Variants in SKAP1 observed in about 807,000 individuals in gnomAD.
SKAP1 encodes src kinase-associated phosphoprotein 1.
In SKAP1, 44 loss-of-function variants were observed where a neutral mutation model predicts 58.5. That is an observed-to-expected ratio of 0.75 (90% CI 0.59 to 0.97). The LOEUF (loss-of-function observed/expected upper bound fraction) is 0.97, where lower values mean the gene tolerates loss of function less well. Among genes scored for constraint, SKAP1 ranks in the 50% least tolerant of loss-of-function variants. The pLI, the probability that SKAP1 is intolerant of heterozygous loss-of-function variation, is 0.00. For missense variants in SKAP1, 390 were observed against 435.2 expected (o/e 0.90, Z 0.92); for synonymous variants, 127 against 149.7 (o/e 0.85, Z 1.11).
chr17:48,367,561 C>CATAT lies in SKAP1; in HGVS notation c.153-3751_153-3748dup, dbSNP rs143641420. Among the ~76,000 whole-genome samples the CATAT allele has an allele frequency of 9.8e-3, 1,393 of 142,158 alleles. 12 individuals are homozygous for CATAT. Among genetic ancestry groups the CATAT allele is most frequent in the Middle Eastern group, 0.02 (5 of 252 alleles). 93.3% of individuals were successfully genotyped at this position (142,158 alleles called of 152,430 possible). A position where few individuals can be genotyped will look rare whatever the true frequency, so the allele number is the denominator to read the frequency against. On this transcript the variant is annotated intron_variant, in intron 2 of 12. Coordinates refer to ENST00000336915, the MANE Select transcript of SKAP1 (RefSeq NM_003726.4). ...GTATATATATATATGGATATATATC[C>CATAT]ATATATATATATATATAATCATACT...
intron 1 of SKAP1, among the ~76,000 whole-genome samples, chr17:48,427,306 C>CTATA (rs1392680847): frequency 6.6e-6 from 1 of 152,136 alleles, no homozygotes; most frequent in African/African-American, 2.4e-5. Flanking sequence ...CTTTCCAAGC[C>CTATA]TATATATAGA....
rs776705662 is a variant in SKAP1, at chr17:48,142,981, CT to C, written c.979-5645del. Among the ~76,000 whole-genome samples the C allele has an allele frequency of 9.2e-3, 1,218 of 132,962 alleles. 12 individuals carry two copies. The highest frequency in any genetic ancestry group is 0.026 in the African/African-American group (941 of 35,948). The allele number at this position is 132,962 out of a possible 152,430, so 87.2% of individuals were successfully genotyped here. A position where few individuals can be genotyped will look rare whatever the true frequency, so the allele number is the denominator to read the frequency against. Reference sequence around the variant, plus strand: ...CATGCCTGGCTAGTTAAAAAAAAAACTTTTTTTTTTTTTTTTGTAGAGATGG... The same window carrying C: ...CATGCCTGGCTAGTTAAAAAAAAAACTTTTTTTTTTTTTTTGTAGAGATGG... On this transcript the variant is annotated intron_variant, in intron 11 of 12. Coordinates refer to ENST00000336915, the MANE Select transcript of SKAP1 (RefSeq NM_003726.4).
intron 4 of SKAP1, among the ~76,000 whole-genome samples, chr17:48,253,889 C>T (rs564372462): frequency 1.4e-4 from 22 of 152,244 alleles, no homozygotes; most frequent in African/African-American, 5.1e-4. Flanking sequence ...TAACTGCTTT[C>T]TTATGAGGAA....
intron 2 of SKAP1, among the ~76,000 whole-genome samples, chr17:48,378,894 G>C (rs1419018926): frequency 1.3e-5 from 2 of 152,170 alleles, no homozygotes; most frequent in Non-Finnish European, 2.9e-5. Flanking sequence ...CAGTATAAGA[G>C]AGCATTTCAG....
At chr17:48,349,506 C>T (rs1236746887) in intron 3 of SKAP1, among the ~76,000 whole-genome samples, 1 of 152,202 alleles carries the variant, frequency 6.6e-6, no homozygotes, top group Non-Finnish European at 1.5e-5. Flanking sequence ...CTCCATTAAT[C>T]ACATCCACTA....
At chr17:48,370,984 T>C (rs2067076983) in intron 2 of SKAP1, among the ~76,000 whole-genome samples, 1 of 152,178 alleles carries the variant, frequency 6.6e-6, no homozygotes, top group African/African-American at 2.4e-5. Context: ...TTCAACAAGA[T>C]GGATGCAGCT....
intron 11 of SKAP1, among the ~76,000 whole-genome samples, chr17:48,155,710 A>G (rs1297911868): frequency 6.6e-6 from 1 of 152,104 alleles, no homozygotes; most frequent in Non-Finnish European, 1.5e-5. Context: ...TACAAAAATT[A>G]GCTGGGTGCC....
chr17:48,309,104 A>G (rs909639370), intron 4 of SKAP1, among the ~76,000 whole-genome samples: 6 of 152,214 alleles, frequency 3.9e-5, no homozygotes, highest in Middle Eastern at 3.4e-3. Context: ...TCATGGTATT[A>G]CTTTCAATAT....
chr17:48,283,241 T>C (rs528862565), intron 4 of SKAP1, among the ~76,000 whole-genome samples: 1 of 152,312 alleles, frequency 6.6e-6, no homozygotes, highest in South Asian at 2.1e-4. Context: ...GAGTAGACTA[T>C]GATACAGAGC....
At chr17:48,193,358 T>A (rs2064576229) in intron 4 of SKAP1, among the ~76,000 whole-genome samples, 1 of 152,204 alleles carries the variant, frequency 6.6e-6, no homozygotes, top group South Asian at 2.1e-4. Context: ...TGCTTTCTTA[T>A]TCATTAGACA....
chr17:48,155,619 G>A (rs2063965511), intron 11 of SKAP1, among the ~76,000 whole-genome samples: 1 of 151,796 alleles, frequency 6.6e-6, no homozygotes, highest in South Asian at 2.1e-4. Flanking sequence ...CACTTTGGAA[G>A]GCCGAGGCAG....
At chr17:48,193,947 A>G (rs1432822556) in intron 4 of SKAP1, among the ~76,000 whole-genome samples, 3 of 152,224 alleles carry the variant, frequency 2.0e-5, no homozygotes, top group African/African-American at 7.2e-5. Context: ...GAAGCTTTTT[A>G]TTCATTACCT....
intron 1 of SKAP1, among the ~76,000 whole-genome samples, chr17:48,401,696 G>C (rs79182958): frequency 0.091 from 13,832 of 151,714 alleles, 962 homozygotes; most frequent in African/African-American, 0.16. Flanking sequence ...TAAATCTTTG[G>C]GTCCTTGGAT....
At chr17:48,337,057 A>C (rs1378156053) in intron 4 of SKAP1, among the ~76,000 whole-genome samples, 4 of 152,232 alleles carry the variant, frequency 2.6e-5, no homozygotes, top group Admixed American at 2.6e-4. Context: ...GGCTTCTATA[A>C]GTGAAAACTT....
chr17:48,237,460 A>G (rs2065194058), intron 4 of SKAP1, among the ~76,000 whole-genome samples: 2 of 152,372 alleles, frequency 1.3e-5, no homozygotes, highest in South Asian at 4.1e-4. Context: ...GCTCTAGGCC[A>G]TGAAGCTATG....
At chr17:48,323,017 AC>A (rs1350634725) in intron 4 of SKAP1, among the ~76,000 whole-genome samples, 1 of 151,828 alleles carries the variant, frequency 6.6e-6, no homozygotes, top group Non-Finnish European at 1.5e-5. Context: ...AATTGCTTGA[AC>A]CCAGGAGGCA....
chr17:48,245,567 TTTCTATGGTAGTTATAACAAATGGG>T (rs1230553013), intron 4 of SKAP1, among the ~76,000 whole-genome samples: 3 of 152,200 alleles, frequency 2.0e-5, no homozygotes, highest in African/African-American at 7.2e-5. Flanking sequence ...TATAATAAGT[TTTCTATGGTAGTTATAACAAATGGG>T]TTTGAATTCC....
chr17:48,256,171 C>A (rs909311675), intron 4 of SKAP1, among the ~76,000 whole-genome samples: 52 of 148,336 alleles, frequency 3.5e-4, no homozygotes, highest in African/African-American at 1.3e-3. Flanking sequence ...TTCAGTTTAC[C>A]AAAATGTGTG....
upstream of SKAP1, among the ~76,000 whole-genome samples, chr17:48,430,479 A>T (rs1316317732): frequency 6.6e-6 from 1 of 152,020 alleles, no homozygotes; most frequent in Non-Finnish European, 1.5e-5. Flanking sequence ...GGCTTTGGAC[A>T]CTCCATCCTA....
Sources: gnomAD v4.1 joint callset for allele counts (sites outside exome capture counted in the v4.1 genomes callset) on GRCh38, gnomAD v4.1.1 for gene constraint, MANE v1.5 for transcripts, NCBI Gene and HGNC (gene_info 2026-07-23, HGNC 2026-07-21) for gene names.